SUGP2: variants seen among roughly 807,000 people sequenced by gnomAD.
The protein encoded by SUGP2 is SURP and G-patch domain-containing protein 2.
In SUGP2, 24 loss-of-function variants were observed where a neutral mutation model predicts 90.5. The observed-to-expected ratio is 0.27, with a 90% CI of 0.19 to 0.37. The LOEUF is 0.37. Ranked by LOEUF, SUGP2 falls within the 10% of genes least tolerant of loss-of-function variation. SUGP2 has a pLI of 1.00. For missense variants in SUGP2, 1,233 were observed against 1,363.3 expected, an observed-to-expected ratio of 0.90 and a Z score of 1.51; for synonymous variants, 473 against 513.4, an observed-to-expected ratio of 0.92 and a Z score of 1.06.
At position 19,019,140 on chromosome 19, in the gene SUGP2, T is replaced by C. The variant is rs2058612839; in HGVS notation, c.1819A>G (p.Arg607Gly). The C allele has an allele frequency of 6.2e-7, 1 of 1,614,102 alleles. No homozygotes were observed. Among genetic ancestry groups the C allele is most frequent in the Admixed American group, 1.7e-5 (1 of 60,022 alleles). The change falls in exon 4 of 11, where the codon AGA becomes GGA. Residue 607 changes from arginine (R) to glycine (G), a missense_variant. Physicochemically the swap from Arg to Gly is moderately radical, Grantham distance 125. Coordinates refer to ENST00000452918, the MANE Select transcript of SUGP2 (RefSeq NM_001017392.5). The stretch of plus-strand genomic sequence containing the variant: ...GCAGGGTCCTCTTTGAGAAGAGTTC[T>C]CTCTTTGGGAGACAGGCTGCCTTCG... ...VIEGSLSPKE[R>G]TLLKEDPAYW...
intron 1 of SUGP2, among the ~76,000 whole-genome samples, chr19:19,031,865 G>A (rs180840466): frequency 6.9e-6 from 1 of 144,104 alleles, no homozygotes; most frequent in East Asian, 2.0e-4. Flanking sequence ...GGTTTTGCTA[G>A]GTTGGCCAGG....
chr19:18,994,579 A>G (rs1051479500), intron 9 of SUGP2, 93 bp from the exon 10 acceptor site: 45 of 1,512,962 alleles, frequency 3.0e-5, no homozygotes, highest in East Asian at 4.6e-5. Flanking sequence ...CATGAGATGC[A>G]GGTGTTTGGG....
In SUGP2 at chr19:19,004,407, T is replaced by G. The variant is rs1455856911; in HGVS notation, c.2690A>C (p.Glu897Ala). ...SPEVMPEEED[E>A]DDEDGGEEAP... ...CTCCTCTCCCCCATCCTCATCGTCCTCGTCCTCCTCCTCAGGCATCACCTC... is the reference window on the plus strand; with the variant it reads ...CTCCTCTCCCCCATCCTCATCGTCCGCGTCCTCCTCCTCAGGCATCACCTC... The change falls in exon 7 of 11, where the codon GAG (glutamate) becomes GCG (alanine). Residue 897 changes from glutamate (E) to alanine (A), a missense_variant. Glu to Ala is a moderately radical substitution (Grantham distance 107). This residue lies in a region of SUGP2 where 540 missense variants were observed against 542.6 expected (regional missense o/e 1.00). Transcript: ENST00000452918. 1.2e-5 allele frequency: 19 copies of G among 1,614,006 alleles called. No homozygotes were observed. Among genetic ancestry groups the G allele is most frequent in the Non-Finnish European group, 1.5e-5 (18 of 1,180,022 alleles).
intron 8 of SUGP2, among the ~76,000 whole-genome samples, chr19:19,000,477 G>T (rs115397412): frequency 7.2e-5 from 11 of 152,160 alleles, no homozygotes; most frequent in Non-Finnish European, 7.4e-5. Context: ...GGTGCTGACC[G>T]CACACACCAC....
chr19:18,996,710 G>A (rs1358316348), intron 8 of SUGP2, among the ~76,000 whole-genome samples: 2 of 152,100 alleles, frequency 1.3e-5, no homozygotes, highest in Admixed American at 6.6e-5. Flanking sequence ...GTGCCACCAC[G>A]CCCACCTATT....
chr19:18,999,423 C>G (rs930606879), intron 8 of SUGP2, among the ~76,000 whole-genome samples: 1 of 152,192 alleles, frequency 6.6e-6, no homozygotes, highest in East Asian at 1.9e-4. Context: ...AAATCCGTGG[C>G]TCAGGGGTTA....
rs776667771 is a variant in SUGP2, at chr19:19,026,190, A to G, written c.158T>C (p.Met53Thr). 6.2e-7 allele frequency: 1 copy of G among 1,609,876 alleles called. No individual in the cohort carries two copies. The highest frequency in any genetic ancestry group is 8.5e-7 in the Non-Finnish European group (1 of 1,178,440). The change falls in exon 3 of 11, where the codon ATG becomes ACG. Residue 53 changes from methionine to threonine, a missense_variant. Coordinates refer to ENST00000452918, the MANE Select transcript of SUGP2 (RefSeq NM_001017392.5). ...GCCATCGCTGTGGACGTCATCATAC[A>G]TCTCTGCTCTGGATCTTGGGACTGC... ...LRAVPRSRAEMYDDVHSDGRY... is the reference protein window; with the variant it reads ...LRAVPRSRAETYDDVHSDGRY...
At chr19:19,021,426 T>A (rs1164621197) in intron 3 of SUGP2, among the ~76,000 whole-genome samples, 2 of 152,106 alleles carry the variant, frequency 1.3e-5, no homozygotes, top group African/African-American at 4.8e-5. Context: ...GCTCTCTTTT[T>A]ACAGAGCTAC....
At chr19:19,018,111 C>T (rs1431124607) in intron 4 of SUGP2, among the ~76,000 whole-genome samples, 1 of 151,944 alleles carries the variant, frequency 6.6e-6, no homozygotes, top group Non-Finnish European at 1.5e-5. Context: ...ACCTTCCACC[C>T]TCACACCCCA....
Position 18,997,522 on chromosome 19 carries a change from C to T in SUGP2, c.2992-2242G>A, listed in dbSNP as rs184762037. 9.9e-5 allele frequency among the ~76,000 whole-genome samples: 15 copies of T among 152,214 alleles called. No homozygotes were observed. The East Asian group carries it at 2.3e-3, about 24-fold the overall frequency. On this transcript the variant is annotated intron_variant, in intron 8 of 10. Coordinates refer to ENST00000452918, the MANE Select transcript of SUGP2 (RefSeq NM_001017392.5). ...CCCTAAGGCTGGGCGCGGTGGCTCACGCCTGTAGTCCCAGCACTTTGGGAG... is the reference window on the plus strand; with the variant it reads ...CCCTAAGGCTGGGCGCGGTGGCTCATGCCTGTAGTCCCAGCACTTTGGGAG...
rs771369183 is a variant in SUGP2, at chr19:19,009,832, G to A, written c.2338+23C>T. 2.5e-6 allele frequency: 4 copies of A among 1,574,428 alleles called. No homozygotes were observed. In the African/African-American group the frequency reaches 4.1e-5, roughly 16 times the overall value. ...AGAGTAGGGACTGGGGCCCAGAGGA[G>A]GGGGACAGGAGTGAGCACCCACTGT... On this transcript the variant is annotated intron_variant, in intron 5 of 10. Transcript: ENST00000452918.
intron 8 of SUGP2, among the ~76,000 whole-genome samples, chr19:18,995,610 AAAG>A (rs1485964430): frequency 9.2e-5 from 14 of 152,274 alleles, no homozygotes; most frequent in Admixed American, 8.5e-4. Context: ...AACCCTGGAT[AAAG>A]AAGGGTGGCC....
At chr19:19,030,350 C>T (rs1239926813) in intron 2 of SUGP2, among the ~76,000 whole-genome samples, 3 of 151,792 alleles carry the variant, frequency 2.0e-5, no homozygotes, top group Non-Finnish European at 4.4e-5. Flanking sequence ...ATTAGCTGGG[C>T]GTGGTGGTGC....
chr19:19,026,529 A>G (rs901709064), intron 2 of SUGP2, among the ~76,000 whole-genome samples: 2 of 152,196 alleles, frequency 1.3e-5, no homozygotes, highest in African/African-American at 2.4e-5. Context: ...AGACTCTCTA[A>G]GTTGGCACCA....
Position 18,994,628 on chromosome 19 carries a change from G to A in SUGP2, c.3129-142C>T, listed in dbSNP as rs1016579220. 1.1e-5 allele frequency: 13 copies of A among 1,187,674 alleles called. No individual in the cohort carries two copies. The Admixed American group carries it at 1.2e-4, about 11-fold the overall frequency. The allele number at this position is 1,187,674 out of a possible 1,614,324, so 73.6% of individuals were successfully genotyped here. The stretch of plus-strand genomic sequence containing the variant: ...CATCAAAGAAAGGGAAAATCAAGAC[G>A]CGACTCACAGTAGAAACAAGGAGTA... On this transcript the variant is annotated intron_variant, in intron 9 of 10. Coordinates refer to ENST00000452918, the MANE Select transcript of SUGP2 (RefSeq NM_001017392.5).
chr19:19,004,534 C>T lies in SUGP2; in HGVS notation c.2563G>A (p.Gly855Ser), dbSNP rs773147644. Reference sequence around the variant, plus strand: ...CTCTCCTGAGAACCCGTGGTGTCACCACCACCAGTGTGAAGGTTGTGCGGA... The same window carrying T: ...CTCTCCTGAGAACCCGTGGTGTCACTACCACCAGTGTGAAGGTTGTGCGGA... ...SSPHNLHTGG[G>S]DTTGSQESPV... The change falls in exon 7 of 11, where the codon GGT becomes AGT. Residue 855 changes from glycine to serine, a missense_variant. Gly to Ser is a moderately conservative substitution (Grantham distance 56). Transcript: ENST00000452918. The T allele has an allele frequency of 1.9e-6, 3 of 1,614,220 alleles. No individual in the cohort carries two copies. The highest frequency in any genetic ancestry group is 3.3e-5 in the Admixed American group (2 of 60,028).
chr19:19,026,934 G>A (rs1043454228), intron 2 of SUGP2, among the ~76,000 whole-genome samples: 2 of 152,134 alleles, frequency 1.3e-5, no homozygotes, highest in Non-Finnish European at 2.9e-5. Context: ...TACATCAAGA[G>A]AGGCCATGAT....
chr19:19,013,004 T>C (rs952798180), intron 4 of SUGP2, among the ~76,000 whole-genome samples: 6 of 152,218 alleles, frequency 3.9e-5, no homozygotes, highest in African/African-American at 1.2e-4. Context: ...GCTGGGATTA[T>C]AGGCACCCGC....
At chr19:19,019,955 T>C (rs1455148436) in intron 3 of SUGP2, among the ~76,000 whole-genome samples, 6 of 104,656 alleles carry the variant, frequency 5.7e-5, no homozygotes. Context: ...AAGACCACAC[T>C]GGGCAACATG....
Sources: allele counts gnomAD v4.1 joint callset (sites outside exome capture counted in the v4.1 genomes callset), GRCh38; gene constraint gnomAD v4.1.1; regional missense constraint gnomAD v4.1.1; transcripts MANE v1.5; gene names NCBI Gene and HGNC (gene_info 2026-07-23, HGNC 2026-07-21).